The following LHPP variants were observed in gnomAD, a reference collection of about 807,000 sequenced individuals.
The protein encoded by LHPP is phospholysine phosphohistidine inorganic pyrophosphate phosphatase.
Under a neutral mutation model 30.3 loss-of-function variants are expected in LHPP, and 24 were observed. That is an observed-to-expected ratio of 0.79 (90% CI 0.57 to 1.11). The LOEUF is 1.11. Among genes scored for constraint, LHPP ranks in the 50% most tolerant of loss-of-function variants. LHPP has a pLI of 0.00. For missense variants in LHPP, 356 were observed against 367.2 expected (o/e 0.97, Z 0.25); for synonymous variants, 150 against 157.1 (o/e 0.95, Z 0.34).
rs2133919725 is a variant in LHPP at position 124,523,374 on chromosome 10, G to T, written c.716+6103G>T. ...CAAAGCTGGAAGACGAGGGGCTGCA[G>T]GGTGCATGGCTGTGGAGCTGGCTGC... On this transcript the variant is annotated intron_variant, in intron 6 of 6. Coordinates refer to ENST00000368842, the MANE Select transcript of LHPP (RefSeq NM_022126.4). The surrounding 1 kb of genome is among the most constrained non-coding windows in gnomAD (Gnocchi z 4.2). 6.6e-6 allele frequency among the ~76,000 whole-genome samples: 1 copy of T among 152,356 alleles called. No homozygotes were observed.
rs188842114 is a variant in LHPP, at chr10:124,513,118, T to A, written c.625-4062T>A. On this transcript the variant is annotated intron_variant, in intron 5 of 6. Transcript: ENST00000368842. ...TGTTTGTTTGTTTTAAGACAGAGTT[T>A]TGCTCTTCTCGCCCAGGCTGGAGTG... is the stretch of plus-strand genomic sequence containing the variant. Among the ~76,000 whole-genome samples, 123 of 151,754 alleles carry A rather than the reference T, an allele frequency of 8.1e-4. 1 individual carries two copies. The highest frequency in any genetic ancestry group is 1.1e-3 in the Non-Finnish European group (76 of 67,786).
intron 1 of LHPP, among the ~76,000 whole-genome samples, chr10:124,469,310 T>C (rs1952656623): frequency 6.6e-6 from 1 of 152,172 alleles, no homozygotes; most frequent in Non-Finnish European, 1.5e-5. Context: ...GGCGACACAC[T>C]GTCACCATTC....
intron 5 of LHPP, among the ~76,000 whole-genome samples, chr10:124,505,488 T>A (rs1954037255): frequency 1.3e-5 from 2 of 152,212 alleles, no homozygotes; most frequent in Admixed American, 6.5e-5. Flanking sequence ...AGAATAGATA[T>A]AACTCCCCAA....
intron 5 of LHPP, among the ~76,000 whole-genome samples, chr10:124,506,720 G>A (rs1384077490): frequency 2.7e-4 from 20 of 74,492 alleles, no homozygotes; most frequent in Non-Finnish European, 3.2e-4. Context: ...ATTTCAAGTG[G>A]GGTGGGTAAG....
rs1403048542 is a variant in LHPP, at chr10:124,507,038, G to GC, written c.624+8910_624+8911insC. ...GGGGGTAGACAGGATTTCAGGTGAG[G>GC]GGGGTAGGGAGGATTTCAGGTGTAG... On this transcript the variant is annotated intron_variant, in intron 5 of 6. Transcript: ENST00000368842. Among the ~76,000 whole-genome samples, 7 of 25,486 alleles carry GC rather than the reference G, an allele frequency of 2.7e-4. 1 individual carries two copies. The highest frequency in any genetic ancestry group is 7.3e-4 in the African/African-American group (5 of 6,826). 16.7% of individuals were successfully genotyped at this position (25,486 alleles called of 152,430 possible).
In LHPP at chr10:124,503,308, C is replaced by T. The variant is rs369672311; in HGVS notation, c.624+5180C>T. 2.1e-4 allele frequency among the ~76,000 whole-genome samples: 31 copies of T among 150,586 alleles called. 1 individual carries two copies. Among genetic ancestry groups the T allele is most frequent in the African/African-American group, 7.1e-4 (29 of 40,674 alleles). ...CTCAAACTCTCAATCTCAGGTGATC[C>T]GCCCGCCTCGGCCTCCCAAAGTGCT... On this transcript the variant is annotated intron_variant, in intron 5 of 6. Coordinates refer to ENST00000368842, the MANE Select transcript of LHPP (RefSeq NM_022126.4).
intron 6 of LHPP, among the ~76,000 whole-genome samples, chr10:124,582,275 G>T (rs1353317263): frequency 6.6e-6 from 1 of 152,008 alleles, no homozygotes; most frequent in Non-Finnish European, 1.5e-5. Flanking sequence ...ATAGAGATGG[G>T]ATCTTGCTAT....
At chr10:124,515,899 G>A (rs1388787629) in intron 5 of LHPP, among the ~76,000 whole-genome samples, 4 of 152,196 alleles carry the variant, frequency 2.6e-5, no homozygotes, top group Non-Finnish European at 5.9e-5. Context: ...CACGTGTGCT[G>A]GCAGTGGTCT....
At chr10:124,473,126 C>T (rs998935490) in intron 1 of LHPP, among the ~76,000 whole-genome samples, 1 of 152,152 alleles carries the variant, frequency 6.6e-6, no homozygotes, top group African/African-American at 2.4e-5. Context: ...GTTTACCCTG[C>T]AGGTGCTGCC....
chr10:124,468,796 T>TG (rs1299496589), intron 1 of LHPP, among the ~76,000 whole-genome samples: 1 of 152,204 alleles, frequency 6.6e-6, no homozygotes, highest in East Asian at 1.9e-4. Flanking sequence ...CCAGTGCCTC[T>TG]GGGGCCAGAT....
Position 124,498,198 on chromosome 10 carries a change from G to A in LHPP, c.624+70G>A, listed in dbSNP as rs1230890716. On this transcript the variant is annotated intron_variant, in intron 5 of 6. Transcript: ENST00000368842. ...CAGGGAGGCCCTGGAGCTTGGAATG[G>A]ATTACAGGACTCAGGCAGCCTGTGG... The A allele has an allele frequency of 6.6e-6, 9 of 1,371,684 alleles. No individual in the cohort carries two copies. In the African/African-American group the frequency reaches 1.2e-4, roughly 18 times the overall value. 85.0% of individuals were successfully genotyped at this position (1,371,684 alleles called of 1,614,324 possible).
intron 5 of LHPP, among the ~76,000 whole-genome samples, chr10:124,501,227 T>G (rs1180474868): frequency 1.3e-5 from 2 of 151,770 alleles, no homozygotes; most frequent in East Asian, 1.9e-4. Context: ...GAAAGGAGAT[T>G]AGTGGTTGGC....
intron 6 of LHPP, among the ~76,000 whole-genome samples, chr10:124,574,572 A>G (rs1948633810): frequency 6.6e-6 from 1 of 152,018 alleles, no homozygotes; most frequent in South Asian, 2.1e-4. Flanking sequence ...ACCTGTGCTG[A>G]CCCAAGGGTC....
chr10:124,600,113 G>A (rs1177818908), intron 6 of LHPP, among the ~76,000 whole-genome samples: 1 of 152,204 alleles, frequency 6.6e-6, no homozygotes, highest in Admixed American at 6.5e-5. Flanking sequence ...GGGGGCAGCT[G>A]GTGGGTAAGC....
In LHPP at chr10:124,562,992, T is replaced by C. The variant is rs989705106; in HGVS notation, c.716+45721T>C. Among the ~76,000 whole-genome samples the C allele has an allele frequency of 1.3e-4, 19 of 149,538 alleles. 1 individual carries two copies. Among genetic ancestry groups the C allele is most frequent in the African/African-American group, 4.4e-4 (18 of 40,728 alleles). Reference sequence around the variant, plus strand: ...AAATAAAAAATGCCGATGAGAACAGTGAGAATCTGAATCACTCAGACATTG... The same window carrying C: ...AAATAAAAAATGCCGATGAGAACAGCGAGAATCTGAATCACTCAGACATTG... On this transcript the variant is annotated intron_variant, in intron 6 of 6. Coordinates refer to ENST00000368842, the MANE Select transcript of LHPP (RefSeq NM_022126.4).
intron 3 of LHPP, among the ~76,000 whole-genome samples, chr10:124,495,157 T>G (rs894922888): frequency 2.0e-4 from 31 of 152,200 alleles, no homozygotes; most frequent in Non-Finnish European, 4.1e-4. Flanking sequence ...AGCCTGTTTT[T>G]GGGGGTCACT....
intron 5 of LHPP, among the ~76,000 whole-genome samples, chr10:124,504,248 C>T (rs551239519): frequency 6.6e-6 from 1 of 151,666 alleles, no homozygotes; most frequent in Non-Finnish European, 1.5e-5. Context: ...AAACAGCCCC[C>T]TTCCCCCGAC....
At chr10:124,549,139 G>C (rs564282404) in intron 6 of LHPP, among the ~76,000 whole-genome samples, 1 of 152,308 alleles carries the variant, frequency 6.6e-6, no homozygotes, top group Non-Finnish European at 1.5e-5. Context: ...TGGACATAAA[G>C]GTTTGATGAA....
rs528152858 is a variant in LHPP at position 124,523,880 on chromosome 10, C to G, written c.716+6609C>G. Among the ~76,000 whole-genome samples, 36 of 152,300 alleles carry G rather than the reference C, an allele frequency of 2.4e-4. No homozygotes were observed. Among genetic ancestry groups the G allele is most frequent in the Non-Finnish European group, 4.0e-4 (27 of 68,028 alleles). On this transcript the variant is annotated intron_variant, in intron 6 of 6. Coordinates refer to ENST00000368842, the MANE Select transcript of LHPP (RefSeq NM_022126.4). This position sits in a 1 kb window ranked among gnomAD's most constrained non-coding sequence, Gnocchi z 4.2. ...GGAAAAATCCACTGTGCAATGAGTC[C>G]GTGAATCCCAGACATCCTCTCAGCA...
Sources: gnomAD v4.1 joint callset for allele counts (sites outside exome capture counted in the v4.1 genomes callset) on GRCh38, gnomAD v4.1.1 for gene constraint, Gnocchi (gnomAD v3.1) non-coding constraint, MANE v1.5 for transcripts, NCBI Gene and HGNC (gene_info 2026-07-23, HGNC 2026-07-21) for gene names.